CDK19: variants seen among roughly 807,000 people sequenced by gnomAD.
The protein encoded by CDK19 is cyclin-dependent kinase 19.
In CDK19, 20 loss-of-function variants were observed where a neutral mutation model predicts 68.3. That is an observed-to-expected ratio of 0.29 (90% CI 0.21 to 0.43). CDK19 has a LOEUF of 0.43. CDK19 is among the 20% of genes least tolerant of loss of function. The probability of loss-of-function intolerance (pLI) is 1.00; values close to 1 mark genes in which losing one functional copy is unlikely to be tolerated. For missense variants in CDK19, 339 were observed against 623.5 expected (o/e 0.54, Z 4.86); for synonymous variants, 221 against 222.8 (o/e 0.99, Z 0.07).
At chr6:110,694,607 C>T (rs945813333) in intron 2 of CDK19, among the ~76,000 whole-genome samples, 3 of 152,112 alleles carry the variant, frequency 2.0e-5, no homozygotes, top group Admixed American at 2.0e-4. Context: ...GACAGAAAGT[C>T]AACAAAGAAA....
chr6:110,625,957 A>G (rs1779065631), intron 8 of CDK19, among the ~76,000 whole-genome samples: 1 of 152,154 alleles, frequency 6.6e-6, no homozygotes. Context: ...TTTATAACAA[A>G]CACCTCACAT....
At chr6:110,732,725 T>C (rs1776853591) in intron 2 of CDK19, among the ~76,000 whole-genome samples, 1 of 152,094 alleles carries the variant, frequency 6.6e-6, no homozygotes, top group Non-Finnish European at 1.5e-5. Flanking sequence ...AGTGACCAGC[T>C]TGAATTTTGA....
chr6:110,730,978 G>T (rs1776703463), intron 2 of CDK19, among the ~76,000 whole-genome samples: 1 of 151,936 alleles, frequency 6.6e-6, no homozygotes, highest in Non-Finnish European at 1.5e-5. Context: ...TTTGAACCTG[G>T]GAGGCAGAGG....
At chr6:110,631,792 A>G (rs1779453392) in intron 6 of CDK19, among the ~76,000 whole-genome samples, 1 of 152,242 alleles carries the variant, frequency 6.6e-6, no homozygotes, top group South Asian at 2.1e-4. Flanking sequence ...TAGCAACTCA[A>G]CAGGATCAGA....
chr6:110,766,884 C>T (rs1343605125), intron 1 of CDK19, among the ~76,000 whole-genome samples: 1 of 152,098 alleles, frequency 6.6e-6, no homozygotes, highest in African/African-American at 2.4e-5. Flanking sequence ...CCTGTAATCA[C>T]AGCACTTTGG....
chr6:110,655,791 C>T (rs1235231388), intron 4 of CDK19, among the ~76,000 whole-genome samples: 1 of 152,180 alleles, frequency 6.6e-6, no homozygotes, highest in African/African-American at 2.4e-5. Flanking sequence ...TGTCCTCAAA[C>T]CAACTCTCCA....
intron 1 of CDK19, among the ~76,000 whole-genome samples, chr6:110,779,847 G>T (rs971106588): frequency 1.3e-5 from 2 of 152,162 alleles, no homozygotes; most frequent in Non-Finnish European, 2.9e-5. Context: ...CACTTTGAGA[G>T]GCTGAGGTGG....
At chr6:110,646,598 AG>A in intron 4 of CDK19, 1 of 319,792 alleles carries the variant, frequency 3.1e-6, no homozygotes, top group Non-Finnish European at 5.6e-6. Flanking sequence ...CCAACGGCGG[AG>A]GGGGCGGGGA....
rs1262679599 is a variant in CDK19 at position 110,670,421 on chromosome 6, T to C, written c.315+10A>G. ...AAACAATCCTAGAAATACAGTGAGA[T>C]TATACTTACCCACAAGTCATGCTCT... On this transcript the variant is annotated intron_variant, in intron 3 of 12. Transcript: ENST00000368911. The C allele has an allele frequency of 6.8e-7, 1 of 1,467,186 alleles. No individual in the cohort carries two copies. The highest frequency in any genetic ancestry group is 1.7e-5 in the Admixed American group (1 of 59,786). The allele number at this position is 1,467,186 out of a possible 1,614,324, so 90.9% of individuals were successfully genotyped here. A position where few individuals can be genotyped will look rare whatever the true frequency, so the allele number is the denominator to read the frequency against.
intron 2 of CDK19, among the ~76,000 whole-genome samples, chr6:110,738,170 G>C (rs990281543): frequency 6.6e-6 from 1 of 151,920 alleles, no homozygotes; most frequent in Non-Finnish European, 1.5e-5. Context: ...CTTTCATAAA[G>C]TTGCACGCAT....
Position 110,670,473 on chromosome 6 carries a change from CCT to C in CDK19, c.271_272del (p.Arg91GlufsTer7). On this transcript the variant is annotated frameshift_variant, in exon 3 of 13. Transcript: ENST00000368911. LOFTEE classifies it high-confidence loss of function. ...LQKVFLSHSD[R>X]KVWLLFDYAE... ...CATAATCAAACAGCAGCCATACCTT[CCT>C]GTCACTGTGAGAAAGGAACACCTTC... 6.2e-7 allele frequency: 1 copy of C among 1,612,794 alleles called. No homozygotes were observed. The highest frequency in any genetic ancestry group is 8.5e-7 in the Non-Finnish European group (1 of 1,178,806).
intron 12 of CDK19, 35 bp from the exon 13 acceptor site, chr6:110,614,701 T>G (rs762698217): frequency 1.2e-6 from 2 of 1,610,802 alleles, no homozygotes. Flanking sequence ...GAATTACTGA[T>G]GGAGGAAGAG....
At chr6:110,779,008 A>G (rs1243974305) in intron 1 of CDK19, among the ~76,000 whole-genome samples, 3 of 152,156 alleles carry the variant, frequency 2.0e-5, no homozygotes, top group African/African-American at 7.2e-5. Flanking sequence ...TGTGAGAAAT[A>G]TACCTCTATT....
intron 4 of CDK19, among the ~76,000 whole-genome samples, chr6:110,639,393 C>G (rs1779982911): frequency 1.3e-5 from 2 of 152,248 alleles, no homozygotes; most frequent in South Asian, 4.1e-4. Flanking sequence ...TTTGTAAAGT[C>G]TTTGAAGGAA....
Position 110,654,322 on chromosome 6 carries a change from C to A in CDK19, c.456+13112G>T, listed in dbSNP as rs533167924. 3.9e-5 allele frequency among the ~76,000 whole-genome samples: 6 copies of A among 152,252 alleles called. No individual in the cohort carries two copies. In the South Asian group the frequency reaches 1.2e-3, roughly 32 times the overall value. On this transcript the variant is annotated intron_variant, in intron 4 of 12. Coordinates refer to ENST00000368911, the MANE Select transcript of CDK19 (RefSeq NM_015076.5). The stretch of plus-strand genomic sequence containing the variant: ...AGAGTAAAATCTATGCCTTTTTCTT[C>A]TTTTTTTCTTAAGCAGTTATTTGCT...
intron 1 of CDK19, chr6:110,814,512 G>A (rs1562310579): frequency 2.3e-6 from 1 of 440,618 alleles, no homozygotes; most frequent in Non-Finnish European, 4.5e-6. Context: ...AGAGCCGTGG[G>A]GCTGGCGAGG....
Position 110,700,286 on chromosome 6 carries a change from A to T in CDK19, c.205-29745T>A, listed in dbSNP as rs191412728. Among the ~76,000 whole-genome samples the T allele has an allele frequency of 5.9e-5, 9 of 152,358 alleles. No individual in the cohort carries two copies. In the East Asian group the frequency reaches 1.7e-3, roughly 29 times the overall value. On this transcript the variant is annotated intron_variant, in intron 2 of 12. Transcript: ENST00000368911. ...CATTATATGTTACAATGTAGTAATA[A>T]TAGAAATAAAGTGCATAATAAATGT... is the stretch of plus-strand genomic sequence containing the variant.
intron 1 of CDK19, among the ~76,000 whole-genome samples, chr6:110,770,301 G>A (rs760369681): frequency 6.6e-6 from 1 of 152,162 alleles, no homozygotes; most frequent in Non-Finnish European, 1.5e-5. Flanking sequence ...AGAAAAAGAG[G>A]TTTAATTGGA....
chr6:110,616,966 C>T (rs558338159), intron 12 of CDK19, among the ~76,000 whole-genome samples: 54 of 152,242 alleles, frequency 3.5e-4, no homozygotes, highest in African/African-American at 1.2e-3. Context: ...ATTGTACTTG[C>T]TTACAATACA....
Sources: allele counts gnomAD v4.1 joint callset (sites outside exome capture counted in the v4.1 genomes callset), GRCh38; gene constraint gnomAD v4.1.1; transcripts MANE v1.5; gene names NCBI Gene and HGNC (gene_info 2026-07-23, HGNC 2026-07-21).